The following SARS1 variants were observed in gnomAD, a reference collection of about 807,000 sequenced individuals.
SARS1 encodes serine--tRNA ligase, cytoplasmic.
In SARS1, 25 loss-of-function variants were observed where a neutral mutation model predicts 63.7. That is an observed-to-expected ratio of 0.39 (90% CI 0.29 to 0.55). The LOEUF (loss-of-function observed/expected upper bound fraction) is 0.55. SARS1 is among the 20% of genes least tolerant of loss of function. SARS1 has a pLI of 0.62. For missense variants in SARS1, 417 were observed against 649.7 expected, an observed-to-expected ratio of 0.64 and a Z score of 3.89; for synonymous variants, 231 against 243.5, an observed-to-expected ratio of 0.95 and a Z score of 0.48.
rs1654723897 is a variant in SARS1, at chr1:109,213,932, A to C, written c.-61A>C. Reference sequence around the variant, plus strand: ...AGCGCGCCGGCGCAGTGCGGCGGTCACAGGCTGAGTGCTGCGGCGCGATCC... The same window carrying C: ...AGCGCGCCGGCGCAGTGCGGCGGTCCCAGGCTGAGTGCTGCGGCGCGATCC... On this transcript the variant is annotated 5_prime_UTR_variant, in exon 1 of 11. Transcript: ENST00000234677. 6.5e-7 allele frequency: 1 copy of C among 1,527,908 alleles called. No homozygotes were observed. 94.6% of individuals were successfully genotyped at this position (1,527,908 alleles called of 1,614,324 possible).
intron 9 of SARS1, chr1:109,236,962 A>G (rs1655324091): frequency 2.7e-6 from 4 of 1,481,192 alleles, no homozygotes; most frequent in Non-Finnish European, 3.6e-6. Context: ...AGGAAAGGCC[A>G]CAATAGTAGT....
chr1:109,235,243 A>G lies in SARS1; in HGVS notation c.781A>G (p.Asn261Asp), dbSNP rs749617530. 1.2e-6 allele frequency: 2 copies of G among 1,614,154 alleles called. No individual in the cohort carries two copies. Among genetic ancestry groups the G allele is most frequent in the South Asian group, 2.2e-5 (2 of 91,084 alleles). Residue 261 changes from asparagine (N) to aspartate (D), a missense_variant, in exon 7 of 11, where the codon AAC becomes GAC. By Grantham distance (23) the Asn-to-Asp change is conservative. Around this residue, in one of 3 missense-constraint regions of SARS1, gnomAD observed 359 missense variants for 529.6 expected, o/e 0.68. Transcript: ENST00000234677. The surrounding 1 kb of genome is among the most constrained non-coding windows in gnomAD (Gnocchi z 4.7). ...IGKGSEKSDDNSYDEKYLIAT... is the reference protein window; with the variant it reads ...IGKGSEKSDDDSYDEKYLIAT... Reference sequence around the variant, plus strand: ...CAAAGGCAGTGAAAAGTCTGATGACAACTCCTATGATGAGAAGTACCTGAT... The same window carrying G: ...CAAAGGCAGTGAAAAGTCTGATGACGACTCCTATGATGAGAAGTACCTGAT...
At position 109,237,210 on chromosome 1, in the gene SARS1, G is replaced by C. The variant is rs957088455; in HGVS notation, c.1258-34G>C. On this transcript the variant is annotated intron_variant, in intron 9 of 10. Coordinates refer to ENST00000234677, the MANE Select transcript of SARS1 (RefSeq NM_006513.4). This position sits in a 1 kb window ranked among gnomAD's most constrained non-coding sequence, Gnocchi z 4.1. ...GTCAGTAAGACCCGATGAGAGTTGA[G>C]CCCGACTTCCCCTCTGGGACCCTGT... is the stretch of plus-strand genomic sequence containing the variant. 6.3e-7 allele frequency: 1 copy of C among 1,597,854 alleles called. No homozygotes were observed. Among genetic ancestry groups the C allele is most frequent in the South Asian group, 1.1e-5 (1 of 88,836 alleles).
intron 4 of SARS1, among the ~76,000 whole-genome samples, chr1:109,230,228 A>AG (rs1425961341): frequency 6.6e-5 from 10 of 152,052 alleles, no homozygotes; most frequent in Admixed American, 5.2e-4. Context: ...TTGTCTGGGA[A>AG]GGGTTGTCCT....
At chr1:109,226,693 TATATACACAC>T (rs1283589218) in intron 2 of SARS1, among the ~76,000 whole-genome samples, 5 of 46,632 alleles carry the variant, frequency 1.1e-4, no homozygotes, top group African/African-American at 2.4e-4. Flanking sequence ...TATATATATA[TATATACACAC>T]ACACACACAC....
Position 109,237,829 on chromosome 1 carries a change from G to A in SARS1, c.1486G>A (p.Ala496Thr). The A allele has an allele frequency of 1.9e-6, 3 of 1,614,236 alleles. No homozygotes were observed. The highest frequency in any genetic ancestry group is 2.5e-6 in the Non-Finnish European group (3 of 1,180,050). The part of the protein sequence containing the change: ...KQHEGSKKKA[A>T]ARDVTLENRL... ...ACATGAGGGCAGCAAAAAGAAAGCA[G>A]CAGCAAGAGACGTCACCCTAGAAAA... Residue 496 changes from alanine (A) to threonine (T), a missense_variant, in exon 11 of 11, where the codon GCA becomes ACA. Physicochemically the swap from Ala to Thr is moderately conservative, Grantham distance 58. Coordinates refer to ENST00000234677, the MANE Select transcript of SARS1 (RefSeq NM_006513.4). The surrounding 1 kb of genome is among the most constrained non-coding windows in gnomAD (Gnocchi z 4.1).
At position 109,238,144 on chromosome 1, in the gene SARS1, T is replaced by G; in HGVS notation, c.*256T>G. 1 of 479,606 alleles carries G rather than the reference T, an allele frequency of 2.1e-6. No individual in the cohort carries two copies. Among genetic ancestry groups the G allele is most frequent in the Non-Finnish European group, 3.8e-6 (1 of 264,668 alleles). 29.7% of individuals were successfully genotyped at this position (479,606 alleles called of 1,614,324 possible). On this transcript the variant is annotated 3_prime_UTR_variant, in exon 11 of 11. Transcript: ENST00000234677. ...GGCTTAGGACTCTTCCTCAGTCTTCTTCCCCGGGCTTGAACCCCGCCTCTG... is the reference window on the plus strand; with the variant it reads ...GGCTTAGGACTCTTCCTCAGTCTTCGTCCCCGGGCTTGAACCCCGCCTCTG...
chr1:109,227,464 A>G (rs1314725275), intron 2 of SARS1, among the ~76,000 whole-genome samples: 1 of 152,176 alleles, frequency 6.6e-6, no homozygotes, highest in African/African-American at 2.4e-5. Flanking sequence ...CATTTTGTCA[A>G]ATTACATTGA....
intron 2 of SARS1, among the ~76,000 whole-genome samples, chr1:109,225,431 T>C (rs902149473): frequency 1.3e-5 from 2 of 152,220 alleles, no homozygotes; most frequent in South Asian, 2.1e-4. Context: ...TTAATTCCCA[T>C]GCATACTCCT....
At chr1:109,217,397 C>A (rs1208887631) in intron 1 of SARS1, among the ~76,000 whole-genome samples, 5 of 151,814 alleles carry the variant, frequency 3.3e-5, no homozygotes, top group Non-Finnish European at 5.9e-5. Context: ...TACTATTGAT[C>A]ATAAAGTTTA....
At chr1:109,226,701 C>CATATATATATATATATATATAT (rs61204287) in intron 2 of SARS1, among the ~76,000 whole-genome samples, 7 of 69,770 alleles carry the variant, frequency 1.0e-4, no homozygotes, top group South Asian at 5.0e-4. Context: ...TATATATACA[C>CATATATATATATATATATATAT]ACACACACAC....
chr1:109,222,051 AC>A (rs1654961174), intron 1 of SARS1, among the ~76,000 whole-genome samples: 1 of 83,974 alleles, frequency 1.2e-5, no homozygotes, highest in South Asian at 4.7e-4. Flanking sequence ...TTTTGTAGAG[AC>A]AGGGTTTTGC....
intron 1 of SARS1, chr1:109,217,117 G>C (rs994695883): frequency 7.1e-6 from 7 of 985,424 alleles, no homozygotes; most frequent in Non-Finnish European, 8.4e-6. Context: ...ACATACTTTA[G>C]AGCAGCACTG....
chr1:109,235,226 G>A lies in SARS1; in HGVS notation c.764G>A (p.Ser255Asn). ...CTTCCACAGGTGATTGGCAAAGGCAGTGAAAAGTCTGATGACAACTCCTAT... is the reference window on the plus strand; with the variant it reads ...CTTCCACAGGTGATTGGCAAAGGCAATGAAAAGTCTGATGACAACTCCTAT... ...EELYKVIGKGSEKSDDNSYDE... is the reference protein window; with the variant it reads ...EELYKVIGKGNEKSDDNSYDE... The change falls in exon 7 of 11, where the codon AGT (serine) becomes AAT (asparagine). Residue 255 changes from serine (S) to asparagine (N), a missense_variant. By Grantham distance (46) the Ser-to-Asn change is conservative. Around this residue, in one of 3 missense-constraint regions of SARS1, gnomAD observed 359 missense variants for 529.6 expected, o/e 0.68. Coordinates refer to ENST00000234677, the MANE Select transcript of SARS1 (RefSeq NM_006513.4). The surrounding 1 kb of genome is among the most constrained non-coding windows in gnomAD (Gnocchi z 4.7). 1 of 1,614,094 alleles carries A rather than the reference G, an allele frequency of 6.2e-7. No individual in the cohort carries two copies.
rs1655288296 is a variant in SARS1, at chr1:109,235,410, C to G, written c.948C>G (p.Phe316Leu). Residue 316 changes from phenylalanine to leucine, a missense_variant, in exon 7 of 11, where the codon TTC becomes TTG. Coordinates refer to ENST00000234677, the MANE Select transcript of SARS1 (RefSeq NM_006513.4). This position sits in a 1 kb window ranked among gnomAD's most constrained non-coding sequence, Gnocchi z 4.7. ...GSHGRDTRGI[F>L]RVHQFEKIEQ... ...ATGGCCGTGACACCCGTGGCATCTT[C>G]CGAGTCCATCAGTTTGAGAAGGTGA... The G allele has an allele frequency of 6.2e-7, 1 of 1,613,182 alleles. No individual in the cohort carries two copies. Among genetic ancestry groups the G allele is most frequent in the Non-Finnish European group, 8.5e-7 (1 of 1,179,988 alleles).
intron 2 of SARS1, among the ~76,000 whole-genome samples, chr1:109,227,761 A>G (rs1179346337): frequency 6.6e-6 from 1 of 150,574 alleles, no homozygotes; most frequent in African/African-American, 2.4e-5. Flanking sequence ...AAAAAAAAGG[A>G]AAAAAAAATT....
chr1:109,235,530 A>C lies in SARS1; in HGVS notation c.969+99A>C. 1.0e-6 allele frequency: 1 copy of C among 963,500 alleles called. No homozygotes were observed. Among genetic ancestry groups the C allele is most frequent in the Non-Finnish European group, 1.6e-6 (1 of 644,424 alleles). The allele number at this position is 963,500 out of a possible 1,614,324, so 59.7% of individuals were successfully genotyped here. A position where few individuals can be genotyped will look rare whatever the true frequency, so the allele number is the denominator to read the frequency against. ...TGTTGCTGAGGCCCATCCTGGCTCC[A>C]GCTTTTCCTCTCATTGCTTACCTCT... On this transcript the variant is annotated intron_variant, in intron 7 of 10. Coordinates refer to ENST00000234677, the MANE Select transcript of SARS1 (RefSeq NM_006513.4). The surrounding 1 kb of genome is among the most constrained non-coding windows in gnomAD (Gnocchi z 4.7).
chr1:109,232,434 C>T (rs1655229251), intron 6 of SARS1, among the ~76,000 whole-genome samples: 1 of 152,236 alleles, frequency 6.6e-6, no homozygotes. Flanking sequence ...GTCTACTATT[C>T]ATTTGTCCCT....
intron 1 of SARS1, among the ~76,000 whole-genome samples, chr1:109,219,040 G>A (rs1654858695): frequency 6.6e-6 from 1 of 151,508 alleles, no homozygotes; most frequent in Admixed American, 6.6e-5. Context: ...GCCGAGGCGG[G>A]CGGATCATGA....
Sources: gnomAD v4.1 joint callset for allele counts (sites outside exome capture counted in the v4.1 genomes callset) on GRCh38, gnomAD v4.1.1 for gene constraint, gnomAD v4.1.1 regional missense constraint, Gnocchi (gnomAD v3.1) non-coding constraint, MANE v1.5 for transcripts, NCBI Gene and HGNC (gene_info 2026-07-23, HGNC 2026-07-21) for gene names.